FAM133B: variants seen among roughly 807,000 people sequenced by gnomAD.
FAM133B encodes protein FAM133B.
A neutral mutation model predicts 46.4 loss-of-function variants in FAM133B; 25 were observed. That is an observed-to-expected ratio of 0.54 (90% confidence interval 0.39 to 0.75). The LOEUF (loss-of-function observed/expected upper bound fraction) is 0.75. FAM133B is among the 30% of genes least tolerant of loss of function. The pLI, the probability that FAM133B is intolerant of heterozygous loss-of-function variation, is 0.00. For missense variants in FAM133B, 205 were observed against 277.6 expected, an observed-to-expected ratio of 0.74 and a Z score of 1.86; for synonymous variants, 75 against 86.0, an observed-to-expected ratio of 0.87 and a Z score of 0.71.
intron 10 of FAM133B, chr7:92,565,493 G>A (rs903256197): frequency 3.0e-4 from 43 of 141,132 alleles, no homozygotes; most frequent in Non-Finnish European, 4.9e-4. Context: ...AGACGGAGTC[G>A]CACTCTGTCG....
intron 2 of FAM133B, among the ~76,000 whole-genome samples, chr7:92,580,086 T>C (rs914775512): frequency 1.3e-5 from 2 of 151,998 alleles, no homozygotes; most frequent in Non-Finnish European, 2.9e-5. Flanking sequence ...GAATTTTTTT[T>C]AAAAAGAGAC....
intron 10 of FAM133B, among the ~76,000 whole-genome samples, chr7:92,563,479 C>A (rs769288130): frequency 3.9e-5 from 6 of 152,138 alleles, no homozygotes; most frequent in Non-Finnish European, 7.4e-5. Context: ...TCACAAAGAC[C>A]TCTTCATTTC....
At chr7:92,579,193 T>C in intron 3 of FAM133B, 124 bp downstream of exon 3, 1 of 733,242 alleles carries the variant, frequency 1.4e-6, no homozygotes, top group South Asian at 1.7e-5. Context: ...CCTTACTTTG[T>C]TGCCCAGGCT....
intron 2 of FAM133B, 94 bp downstream of exon 2, chr7:92,581,412 T>C (rs1345213685): frequency 9.8e-7 from 1 of 1,018,006 alleles, no homozygotes; most frequent in Admixed American, 2.5e-5. Context: ...TATCTGGCAA[T>C]TGCTTGGTAA....
intron 10 of FAM133B, among the ~76,000 whole-genome samples, chr7:92,565,174 G>A (rs1794304117): frequency 6.8e-6 from 1 of 147,768 alleles, no homozygotes; most frequent in Non-Finnish European, 1.5e-5. Context: ...TTTTTAAGAC[G>A]GAGTCTTGCT....
At chr7:92,574,219 A>G (rs1385518148) in intron 8 of FAM133B, among the ~76,000 whole-genome samples, 1 of 152,226 alleles carries the variant, frequency 6.6e-6, no homozygotes, top group Non-Finnish European at 1.5e-5. Context: ...TCCGCCACAC[A>G]CACACACGGA....
intron 1 of FAM133B, 198 bp downstream of exon 1, chr7:92,590,070 G>A (rs937019106): frequency 6.7e-5 from 45 of 671,978 alleles, no homozygotes; most frequent in African/African-American, 1.1e-4. Flanking sequence ...GGGCGGGCAA[G>A]AGAGAGCTGG....
chr7:92,582,642 A>C (rs575996233), intron 1 of FAM133B, among the ~76,000 whole-genome samples: 1 of 152,332 alleles, frequency 6.6e-6, no homozygotes, highest in African/African-American at 2.4e-5. Context: ...ACTTAACAAC[A>C]ACAAAAAAAC....
chr7:92,569,288 A>G (rs1028207622), intron 9 of FAM133B, among the ~76,000 whole-genome samples: 23 of 152,222 alleles, frequency 1.5e-4, no homozygotes, highest in African/African-American at 5.1e-4. Flanking sequence ...AACTTTAGCC[A>G]CCATTTACTC....
At chr7:92,573,660 CTT>C (rs963944682) in intron 8 of FAM133B, among the ~76,000 whole-genome samples, 2 of 146,576 alleles carry the variant, frequency 1.4e-5, no homozygotes, top group African/African-American at 2.5e-5. Context: ...TTCACACATA[CTT>C]TTTTTTTTTA....
intron 2 of FAM133B, among the ~76,000 whole-genome samples, 178 bp downstream of exon 2, chr7:92,581,328 T>C (rs1233200878): frequency 6.6e-6 from 1 of 152,268 alleles, no homozygotes; most frequent in Non-Finnish European, 1.5e-5. Flanking sequence ...TCTTAAATGT[T>C]TGCTTTATAA....
chr7:92,562,610 CA>C (rs1188809795), intron 10 of FAM133B, among the ~76,000 whole-genome samples: 9 of 152,146 alleles, frequency 5.9e-5, no homozygotes, highest in Non-Finnish European at 1.2e-4. Flanking sequence ...TAACTTCTAA[CA>C]AAATTTCCTG....
Position 92,577,147 on chromosome 7 carries a change from T to G in FAM133B, c.421A>C (p.Lys141Gln), listed in dbSNP as rs754064351. Residue 141 changes from lysine to glutamine, a missense_variant, in exon 7 of 11, where the codon AAA (lysine) becomes CAA (glutamine). By Grantham distance (53) the Lys-to-Gln change is moderately conservative. Coordinates refer to ENST00000445716, the MANE Select transcript of FAM133B (RefSeq NM_152789.4). ...RRKKKKNRSH[K>Q]SSESSMSETE... ...TCTGACATGGAGCTTTCAGAAGATT[T>G]ATGTGAACGGTTCTTCTTTTTCTTT... The G allele has an allele frequency of 2.7e-6, 4 of 1,502,588 alleles. No individual in the cohort carries two copies. The African/African-American group carries it at 5.6e-5, about 21-fold the overall frequency. The allele number at this position is 1,502,588 out of a possible 1,614,324, so 93.1% of individuals were successfully genotyped here.
rs748951328 is a variant in FAM133B at position 92,578,305 on chromosome 7, A to G, written c.276+14T>C. 3 of 1,612,048 alleles carry G rather than the reference A, an allele frequency of 1.9e-6. No individual in the cohort carries two copies. The highest frequency in any genetic ancestry group is 3.3e-5 in the Admixed American group (2 of 59,886). ...ATGAGATTAAGAATAGCAATAAACT[A>G]AAAGTGGTATTACCTGTCTTTTTTT... is the stretch of plus-strand genomic sequence containing the variant. On this transcript the variant is annotated intron_variant, in intron 4 of 10. Coordinates refer to ENST00000445716, the MANE Select transcript of FAM133B (RefSeq NM_152789.4).
At chr7:92,578,206 T>C in intron 4 of FAM133B, 24 bp from the exon 5 acceptor site, 1 of 1,611,840 alleles carries the variant, frequency 6.2e-7, no homozygotes, top group Non-Finnish European at 8.5e-7. Context: ...AAAGTACAAG[T>C]CTAAATAAGC....
rs1462873302 is a variant in FAM133B at position 92,589,853 on chromosome 7, T to TGCGGACCTGGGGC, written c.24+402_24+414dup. On this transcript the variant is annotated intron_variant, in intron 1 of 10. Coordinates refer to ENST00000445716, the MANE Select transcript of FAM133B (RefSeq NM_152789.4). Reference sequence around the variant, plus strand: ...CCCACTTGGGTGCGCAGGAGAGGGGTGCGGACCTGGGGCGGCCGATACCAA... The same window carrying TGCGGACCTGGGGC: ...CCCACTTGGGTGCGCAGGAGAGGGGTGCGGACCTGGGGCGCGGACCTGGGGCGGCCGATACCAA... 2.7e-4 allele frequency: 48 copies of TGCGGACCTGGGGC among 180,316 alleles called. 1 individual carries two copies. The highest frequency in any genetic ancestry group is 1.1e-3 in the African/African-American group (44 of 41,734). 11.2% of individuals were successfully genotyped at this position (180,316 alleles called of 1,614,324 possible).
chr7:92,567,905 G>A (rs188059866), intron 9 of FAM133B, among the ~76,000 whole-genome samples: 33 of 150,960 alleles, frequency 2.2e-4, no homozygotes, highest in African/African-American at 7.8e-4. Flanking sequence ...CTGGGATTGC[G>A]GGTCTGTGCC....
In FAM133B at chr7:92,562,224, T is replaced by G. The variant is rs1347170419; in HGVS notation, c.*58A>C. ...AGTAAATATGTTGTAGTTTTCACAG[T>G]TGAAATTTCCTCAGACATTGCACTT... On this transcript the variant is annotated 3_prime_UTR_variant, in exon 11 of 11. Coordinates refer to ENST00000445716, the MANE Select transcript of FAM133B (RefSeq NM_152789.4). The G allele has an allele frequency of 2.7e-6, 4 of 1,477,898 alleles. No homozygotes were observed. The East Asian group carries it at 7.4e-5, about 27-fold the overall frequency. The allele number at this position is 1,477,898 out of a possible 1,614,324, so 91.5% of individuals were successfully genotyped here. A position where few individuals can be genotyped will look rare whatever the true frequency, so the allele number is the denominator to read the frequency against.
rs773654132 is a variant in FAM133B, at chr7:92,590,317, A to G, written c.-26T>C. ...GGTGCTGGATCGAGCGCACAGTAGC[A>G]CGCCGAGGGAAACCGGGCCGGAGAG... On this transcript the variant is annotated 5_prime_UTR_variant, in exon 1 of 11. Transcript: ENST00000445716. 2 of 1,613,656 alleles carry G rather than the reference A, an allele frequency of 1.2e-6. No homozygotes were observed. Among genetic ancestry groups the G allele is most frequent in the Non-Finnish European group, 1.7e-6 (2 of 1,179,706 alleles).
Sources: gnomAD v4.1 joint callset for allele counts (sites outside exome capture counted in the v4.1 genomes callset) on GRCh38, gnomAD v4.1.1 for gene constraint, MANE v1.5 for transcripts, NCBI Gene and HGNC (gene_info 2026-07-23, HGNC 2026-07-21) for gene names.